Variants in STAG1 observed in about 807,000 individuals in gnomAD.
STAG1 encodes cohesin subunit SA-1.
A neutral mutation model predicts 170.9 loss-of-function variants in STAG1; 26 were observed. The observed-to-expected ratio is 0.15, with a 90% CI of 0.11 to 0.21. The LOEUF (loss-of-function observed/expected upper bound fraction) is 0.21, where lower values mean the gene tolerates loss of function less well. STAG1 is among the 10% of genes least tolerant of loss of function. The pLI is 1.00. For synonymous variants in STAG1, 514 were observed against 497.7 expected, an observed-to-expected ratio of 1.03 and a Z score of -0.44; for missense variants, 964 against 1,509.5, an observed-to-expected ratio of 0.64 and a Z score of 5.99.
At chr3:136,714,740 A>G (rs1234752594) in intron 1 of STAG1, among the ~76,000 whole-genome samples, 2 of 150,598 alleles carry the variant, frequency 1.3e-5, no homozygotes, top group African/African-American at 4.9e-5. Flanking sequence ...AAATAAAAAT[A>G]AATAAATAAA....
intron 10 of STAG1, among the ~76,000 whole-genome samples, chr3:136,476,698 G>A (rs2089759168): frequency 6.6e-6 from 1 of 152,004 alleles, no homozygotes; most frequent in African/African-American, 2.4e-5. Flanking sequence ...CTACTTTGGG[G>A]CTCTAATATA....
chr3:136,562,957 A>T (rs1336874642), intron 5 of STAG1, among the ~76,000 whole-genome samples: 1 of 152,186 alleles, frequency 6.6e-6, no homozygotes, highest in African/African-American at 2.4e-5. Flanking sequence ...ATATAACTCA[A>T]TTCAAGCTTG....
At chr3:136,747,102 A>T (rs1489263519) in intron 1 of STAG1, among the ~76,000 whole-genome samples, 1,298 of 97,954 alleles carry the variant, frequency 0.013, 28 homozygotes, top group African/African-American at 0.042. Flanking sequence ...CTAAAAAAAA[A>T]AAAAAAAAAA....
intron 3 of STAG1, among the ~76,000 whole-genome samples, chr3:136,605,040 A>G (rs1200995020): frequency 3.9e-5 from 6 of 152,176 alleles, no homozygotes; most frequent in African/African-American, 1.4e-4. Context: ...TTCCTTCTGC[A>G]TACATTCATT....
In STAG1 at chr3:136,350,472, T is replaced by C. The variant is rs367898732; in HGVS notation, c.3066-1109A>G. On this transcript the variant is annotated intron_variant, in intron 28 of 33. Coordinates refer to ENST00000383202, the MANE Select transcript of STAG1 (RefSeq NM_005862.3). The stretch of plus-strand genomic sequence containing the variant: ...CCACTCCTGGGGTAAAACACTACCC[T>C]GGGCACAGCAGGCTGAGAACACTGG... Among the ~76,000 whole-genome samples, 37 of 152,310 alleles carry C rather than the reference T, an allele frequency of 2.4e-4. No individual in the cohort carries two copies. In the East Asian group the frequency reaches 5.6e-3, roughly 23 times the overall value.
At chr3:136,509,702 TG>T (rs1933950483) in intron 7 of STAG1, among the ~76,000 whole-genome samples, 1 of 152,130 alleles carries the variant, frequency 6.6e-6, no homozygotes, top group African/African-American at 2.4e-5. Flanking sequence ...AAGAAAACAC[TG>T]GAACAAAAGG....
At chr3:136,656,074 T>G (rs553080054) in intron 1 of STAG1, among the ~76,000 whole-genome samples, 14 of 152,098 alleles carry the variant, frequency 9.2e-5, no homozygotes, top group Admixed American at 1.3e-4. Flanking sequence ...AATGGAGTAT[T>G]ATTCAGCCTT....
chr3:136,674,154 A>AAAGG (rs1942060079), intron 1 of STAG1, among the ~76,000 whole-genome samples: 2 of 13,104 alleles, frequency 1.5e-4, no homozygotes, highest in African/African-American at 6.5e-4. Flanking sequence ...AGGGAGGGAG[A>AAAGG]GAGGGAGGGA....
intron 5 of STAG1, among the ~76,000 whole-genome samples, chr3:136,559,918 AT>A (rs1297066293): frequency 3.3e-5 from 5 of 152,116 alleles, no homozygotes; most frequent in Non-Finnish European, 5.9e-5. Context: ...CATGAATACA[AT>A]TTTTTTCAAT....
chr3:136,515,061 T>TA lies in STAG1; in HGVS notation c.676+6151dup, dbSNP rs551443041. Among the ~76,000 whole-genome samples the TA allele has an allele frequency of 5.2e-4, 78 of 149,572 alleles. 1 individual carries two copies. The highest frequency in any genetic ancestry group is 1.3e-3 in the African/African-American group (51 of 40,782). The stretch of plus-strand genomic sequence containing the variant: ...TGTACCCTAGAACTTAAAGTATAAT[T>TA]AAAAAAAAAATCACAACGTTGGGCT... On this transcript the variant is annotated intron_variant, in intron 7 of 33. Transcript: ENST00000383202.
In STAG1 at chr3:136,528,244, C is replaced by T. The variant is rs1935168804; in HGVS notation, c.472-6827G>A. On this transcript the variant is annotated intron_variant, in intron 6 of 33. Coordinates refer to ENST00000383202, the MANE Select transcript of STAG1 (RefSeq NM_005862.3). Reference sequence around the variant, plus strand: ...GGTGGGCTCTACCCAATTTGAACTTCCTGGCTGCTATGTTTACCTACTCAA... The same window carrying T: ...GGTGGGCTCTACCCAATTTGAACTTTCTGGCTGCTATGTTTACCTACTCAA... Among the ~76,000 whole-genome samples, 3 of 152,282 alleles carry T rather than the reference C, an allele frequency of 2.0e-5. No individual in the cohort carries two copies. The South Asian group carries it at 6.2e-4, about 32-fold the overall frequency.
At chr3:136,730,459 T>C (rs1933948906) in intron 1 of STAG1, among the ~76,000 whole-genome samples, 1 of 152,210 alleles carries the variant, frequency 6.6e-6, no homozygotes, top group Non-Finnish European at 1.5e-5. Context: ...GAAAAGGTAC[T>C]TAACCTCTCT....
chr3:136,686,183 TC>T (rs1214101595), intron 1 of STAG1, among the ~76,000 whole-genome samples: 1 of 152,204 alleles, frequency 6.6e-6, no homozygotes, highest in African/African-American at 2.4e-5. Flanking sequence ...TGAGTGTTTT[TC>T]CCCTACCTGG....
At chr3:136,568,999 G>A in intron 4 of STAG1, 138 bp from the exon 5 acceptor site, 2 of 622,372 alleles carry the variant, frequency 3.2e-6, no homozygotes, top group Non-Finnish European at 5.6e-6. Context: ...TTTCTCTGTA[G>A]CCTAATAAAA....
chr3:136,560,457 A>G (rs571318497), intron 5 of STAG1, among the ~76,000 whole-genome samples: 5 of 152,232 alleles, frequency 3.3e-5, no homozygotes, highest in Non-Finnish European at 5.9e-5. Flanking sequence ...AATACATGCT[A>G]TAATTCTGTG....
At chr3:136,495,784 C>T (rs1318205571) in intron 9 of STAG1, among the ~76,000 whole-genome samples, 5 of 151,046 alleles carry the variant, frequency 3.3e-5, no homozygotes, top group East Asian at 2.0e-4. Flanking sequence ...CTGGATAACA[C>T]GGTGAAACCC....
At chr3:136,378,040 A>T (rs978765618) in intron 22 of STAG1, among the ~76,000 whole-genome samples, 3 of 152,218 alleles carry the variant, frequency 2.0e-5, no homozygotes, top group Admixed American at 1.3e-4. Flanking sequence ...GTTGATTAAA[A>T]TTGCTAGTCA....
At chr3:136,570,526 C>A (rs1937231773) in intron 4 of STAG1, among the ~76,000 whole-genome samples, 1 of 152,168 alleles carries the variant, frequency 6.6e-6, no homozygotes, top group Admixed American at 6.6e-5. Flanking sequence ...TGTAAACATT[C>A]TTTTCTGTAT....
intron 7 of STAG1, among the ~76,000 whole-genome samples, chr3:136,513,916 A>T (rs1168370454): frequency 6.6e-6 from 1 of 152,168 alleles, no homozygotes; most frequent in African/African-American, 2.4e-5. Context: ...AATGAGGCAT[A>T]ATTTTAAAAA....
Sources: gnomAD v4.1 joint callset for allele counts (sites outside exome capture counted in the v4.1 genomes callset) on GRCh38, gnomAD v4.1.1 for gene constraint, MANE v1.5 for transcripts, NCBI Gene and HGNC (gene_info 2026-07-23, HGNC 2026-07-21) for gene names.